The following ZNF578 variants were observed in gnomAD, a reference collection of about 807,000 sequenced individuals.
ZNF578 encodes Putative chemokine-related protein B42.
In ZNF578, 8 loss-of-function variants were observed where a neutral mutation model predicts 8.3. The observed-to-expected ratio is 0.96, with a 90% CI of 0.56 to 1.74. The LOEUF (loss-of-function observed/expected upper bound fraction) is 1.74. Among genes scored for constraint, ZNF578 ranks in the 40% most tolerant of loss-of-function variants. The probability of loss-of-function intolerance (pLI) is 0.00; values close to 1 mark genes in which losing one functional copy is unlikely to be tolerated. For missense variants in ZNF578, 726 were observed against 707.5 expected (o/e 1.03, Z -0.30); for synonymous variants, 206 against 232.2 (o/e 0.89, Z 1.03).
chr19:52,473,029 C>G (rs2059296902), intron 2 of ZNF578, among the ~76,000 whole-genome samples: 1 of 152,144 alleles, frequency 6.6e-6, no homozygotes, highest in South Asian at 2.1e-4. Context: ...CTGATGTACT[C>G]TAGTAATATT....
chr19:52,511,690 A>G lies in ZNF578; in HGVS notation c.1309A>G (p.Ile437Val). 1 of 1,613,984 alleles carries G rather than the reference A, an allele frequency of 6.2e-7. No homozygotes were observed. Among genetic ancestry groups the G allele is most frequent in the Non-Finnish European group, 8.5e-7 (1 of 1,179,964 alleles). ...YKCNDCGKAF[I>V]HQSSLARHHR... Reference sequence around the variant, plus strand: ...GTGTAATGACTGTGGTAAGGCTTTTATTCATCAGTCAAGCCTTGCACGTCA... The same window carrying G: ...GTGTAATGACTGTGGTAAGGCTTTTGTTCATCAGTCAAGCCTTGCACGTCA... The change falls in exon 6 of 6, where the codon ATT becomes GTT. Residue 437 changes from isoleucine (I) to valine (V), a missense_variant. Ile to Val is a conservative substitution (Grantham distance 29, BLOSUM62 3). Coordinates refer to ENST00000421239, the MANE Select transcript of ZNF578 (RefSeq NM_001099694.2).
chr19:52,504,821 T>A, intron 5 of ZNF578, 40 bp downstream of exon 5: 1 of 1,611,710 alleles, frequency 6.2e-7, no homozygotes, highest in Non-Finnish European at 8.5e-7. Context: ...AGTCTGCTCT[T>A]GTCTGTCTTG....
At chr19:52,457,471 A>G (rs983288964) in intron 2 of ZNF578, 10 of 152,148 alleles carry the variant, frequency 6.6e-5, no homozygotes, top group East Asian at 3.9e-4. Context: ...CTGTGAGCCA[A>G]TCTAGCAAAT....
rs540075380 is a variant in ZNF578 at position 52,469,916 on chromosome 19, T to A, written c.-122+12958T>A. 2.0e-5 allele frequency among the ~76,000 whole-genome samples: 3 copies of A among 152,288 alleles called. No individual in the cohort carries two copies. The South Asian group carries it at 6.2e-4, about 32-fold the overall frequency. ...AGACACAAGCTCTTATGTGAGTGGA[T>A]GACCTACAATAATTGGTGCACACTC... On this transcript the variant is annotated intron_variant, in intron 2 of 5. Coordinates refer to ENST00000421239, the MANE Select transcript of ZNF578 (RefSeq NM_001099694.2).
chr19:52,456,869 A>G lies in ZNF578; in HGVS notation c.-211A>G, dbSNP rs2059241324. 6.5e-6 allele frequency: 1 copy of G among 152,946 alleles called. No individual in the cohort carries two copies. Among genetic ancestry groups the G allele is most frequent in the Admixed American group, 6.5e-5 (1 of 15,268 alleles). 9.5% of individuals were successfully genotyped at this position (152,946 alleles called of 1,614,324 possible). On this transcript the variant is annotated splice_region_variant and 5_prime_UTR_variant, in exon 2 of 6. Transcript: ENST00000421239. ...GTTTTCTTTTTCTTTTTCTTTCAGGATTAGCTTCTAAAGTCTCTTTCATCT... is the reference window on the plus strand; with the variant it reads ...GTTTTCTTTTTCTTTTTCTTTCAGGGTTAGCTTCTAAAGTCTCTTTCATCT...
intron 4 of ZNF578, among the ~76,000 whole-genome samples, chr19:52,502,188 G>T (rs1202612696): frequency 6.6e-6 from 1 of 152,180 alleles, no homozygotes; most frequent in Admixed American, 6.5e-5. Context: ...TTAACATGGG[G>T]TGTGGGCCCG....
chr19:52,495,103 T>G (rs1486421413), intron 3 of ZNF578, among the ~76,000 whole-genome samples: 1 of 151,028 alleles, frequency 6.6e-6, no homozygotes, highest in Admixed American at 6.6e-5. Flanking sequence ...TGTCTTGGCC[T>G]TGCAAAGTAC....
intron 3 of ZNF578, among the ~76,000 whole-genome samples, chr19:52,492,476 AAGAG>A (rs543579185): frequency 1.3e-5 from 2 of 152,098 alleles, no homozygotes; most frequent in African/African-American, 2.4e-5. Flanking sequence ...GGCGAATAGA[AAGAG>A]AGAGGATTTC....
chr19:52,475,566 T>A lies in ZNF578; in HGVS notation c.-121-15758T>A, dbSNP rs965281239. ...TAGAGACGGGGTTTCACCATGTTGG[T>A]CAGGCTGGTCTCGAACCTCTGATCT... On this transcript the variant is annotated intron_variant, in intron 2 of 5. Transcript: ENST00000421239. Among the ~76,000 whole-genome samples, 4 of 151,902 alleles carry A rather than the reference T, an allele frequency of 2.6e-5. No homozygotes were observed. The East Asian group carries it at 7.8e-4, about 29-fold the overall frequency.
At chr19:52,482,952 A>T (rs2059332115) in intron 2 of ZNF578, among the ~76,000 whole-genome samples, 1 of 151,678 alleles carries the variant, frequency 6.6e-6, no homozygotes, top group South Asian at 2.1e-4. Context: ...CAAAAAAAAA[A>T]AAAAAAAAAT....
chr19:52,515,718 T>G lies in ZNF578; in HGVS notation c.*3564T>G, dbSNP rs1309115608. ...GAAATGATTGGCAAAATGGAGTGCG[T>G]GTCTGGGTGTGGCTTTTTTTTTTTT... On this transcript the variant is annotated 3_prime_UTR_variant, in exon 6 of 6. Transcript: ENST00000421239. Among the ~76,000 whole-genome samples, 2 of 150,758 alleles carry G rather than the reference T, an allele frequency of 1.3e-5. No homozygotes were observed. The highest frequency in any genetic ancestry group is 3.0e-5 in the Non-Finnish European group (2 of 67,756).
rs1318132659 is a variant in ZNF578, at chr19:52,510,570, A to G, written c.191-2A>G. On this transcript the variant is annotated splice_acceptor_variant, in intron 5 of 5. Coordinates refer to ENST00000421239, the MANE Select transcript of ZNF578 (RefSeq NM_001099694.2). LOFTEE classifies it high-confidence loss of function. ...AAACGTATTGGTGTTTATATTTTGTAGATATCTCTTCCAAACGCATGATGA... is the reference window on the plus strand; with the variant it reads ...AAACGTATTGGTGTTTATATTTTGTGGATATCTCTTCCAAACGCATGATGA... 6.6e-7 allele frequency: 1 copy of G among 1,525,194 alleles called. No homozygotes were observed. Among genetic ancestry groups the G allele is most frequent in the Non-Finnish European group, 8.8e-7 (1 of 1,139,124 alleles). 94.5% of individuals were successfully genotyped at this position (1,525,194 alleles called of 1,614,324 possible). A position where few individuals can be genotyped will look rare whatever the true frequency, so the allele number is the denominator to read the frequency against.
intron 3 of ZNF578, among the ~76,000 whole-genome samples, chr19:52,495,885 A>G (rs2059384203): frequency 1.3e-5 from 2 of 151,656 alleles, no homozygotes; most frequent in African/African-American, 2.4e-5. Flanking sequence ...GAGTGGGGGA[A>G]GAGAAGTAGG....
intron 3 of ZNF578, among the ~76,000 whole-genome samples, chr19:52,496,757 C>A (rs1432795905): frequency 2.0e-5 from 3 of 151,948 alleles, no homozygotes; most frequent in African/African-American, 4.8e-5. Flanking sequence ...CCTGCCTCAG[C>A]CTCCTAAGTA....
At chr19:52,485,146 C>T (rs1041063743) in intron 2 of ZNF578, among the ~76,000 whole-genome samples, 1 of 151,722 alleles carries the variant, frequency 6.6e-6, no homozygotes, top group Non-Finnish European at 1.5e-5. Context: ...ATTTATTTTC[C>T]TTTCACACAG....
chr19:52,460,342 T>A (rs115332751), intron 2 of ZNF578, among the ~76,000 whole-genome samples: 2,116 of 151,368 alleles, frequency 0.014, 49 homozygotes, highest in African/African-American at 0.048. Flanking sequence ...ATGATGGCCA[T>A]CCTAATGGGT....
chr19:52,484,651 G>T (rs1284030168), intron 2 of ZNF578, among the ~76,000 whole-genome samples: 4 of 151,822 alleles, frequency 2.6e-5, no homozygotes, highest in Non-Finnish European at 5.9e-5. Flanking sequence ...CACCACAAAA[G>T]AAGTGAAAAT....
In ZNF578 at chr19:52,513,921, A is replaced by G. The variant is rs1206977461; in HGVS notation, c.*1767A>G. 6.6e-6 allele frequency among the ~76,000 whole-genome samples: 1 copy of G among 152,014 alleles called. No individual in the cohort carries two copies. The highest frequency in any genetic ancestry group is 1.5e-5 in the Non-Finnish European group (1 of 68,000). Reference sequence around the variant, plus strand: ...GCACCTTTAGTTCCAGCTACTTGGGACACTGAGGCATGAGAATCACTTAAA... The same window carrying G: ...GCACCTTTAGTTCCAGCTACTTGGGGCACTGAGGCATGAGAATCACTTAAA... On this transcript the variant is annotated 3_prime_UTR_variant, in exon 6 of 6. Transcript: ENST00000421239.
intron 5 of ZNF578, among the ~76,000 whole-genome samples, chr19:52,507,487 A>G (rs533328121): frequency 6.6e-6 from 1 of 152,136 alleles, no homozygotes; most frequent in African/African-American, 2.4e-5. Context: ...TAGGTAGGAG[A>G]ATCGTGCCAC....
Sources: gnomAD v4.1 joint callset for allele counts (sites outside exome capture counted in the v4.1 genomes callset) on GRCh38, gnomAD v4.1.1 for gene constraint, MANE v1.5 for transcripts, NCBI Gene and HGNC (gene_info 2026-07-23, HGNC 2026-07-21) for gene names.